Variants in CEP43 observed in about 807,000 individuals in gnomAD.
The protein encoded by CEP43 is centrosomal protein 43, also known as FGFR1 oncogene partner.
CEP43 carries 36 observed loss-of-function variants against 52.6 expected under a neutral mutation model. That is an observed-to-expected ratio of 0.68 (90% CI 0.52 to 0.90). The LOEUF (loss-of-function observed/expected upper bound fraction) is 0.90. CEP43 is among the 40% of genes least tolerant of loss of function. The pLI, the probability that CEP43 is intolerant of heterozygous loss-of-function variation, is 0.00. For synonymous variants in CEP43, 192 were observed against 172.4 expected (o/e 1.11, Z -0.89); for missense variants, 506 against 472.8 (o/e 1.07, Z -0.65).
At chr6:167,008,374 G>C (rs1336968704) in intron 5 of CEP43, among the ~76,000 whole-genome samples, 2 of 152,136 alleles carry the variant, frequency 1.3e-5, no homozygotes, top group South Asian at 4.1e-4. Flanking sequence ...TGTCAAAGTT[G>C]TAGTAGTGAT....
chr6:167,003,465 A>G (rs899231388), intron 3 of CEP43: 5 of 514,996 alleles, frequency 9.7e-6, no homozygotes, highest in African/African-American at 3.9e-5. Context: ...CAAAAAGCCA[A>G]TATTAACCAT....
intron 2 of CEP43, 114 bp from the exon 3 acceptor site, chr6:167,003,079 T>C (rs933875895): frequency 3.7e-6 from 2 of 536,090 alleles, no homozygotes; most frequent in Admixed American, 8.0e-5. Flanking sequence ...TAATTAACAG[T>C]TGTAGAATGG....
chr6:167,042,113 G>T lies in CEP43; in HGVS notation c.*2135G>T. 1 of 1,007,962 alleles carries T rather than the reference G, an allele frequency of 9.9e-7. No homozygotes were observed. Among genetic ancestry groups the T allele is most frequent in the Non-Finnish European group, 1.2e-6 (1 of 842,612 alleles). 62.4% of individuals were successfully genotyped at this position (1,007,962 alleles called of 1,614,324 possible). On this transcript the variant is annotated 3_prime_UTR_variant, in exon 13 of 13. Transcript: ENST00000366847. ...ATTACAGGCGTGAACCACCGCACCT[G>T]GCCAGTACTACATCCATTTTATTGA...
rs1455153712 is a variant in CEP43 at position 167,052,121 on chromosome 6, T to G, written c.*12143T>G. ...TTAATGAATGCTTGATGGCTCACAA[T>G]CTCCTTCTCAGTTTATCAGAATCTA... On this transcript the variant is annotated 3_prime_UTR_variant, in exon 13 of 13. Transcript: ENST00000366847. The G allele has an allele frequency of 1.3e-5, 2 of 152,186 alleles. No homozygotes were observed. The highest frequency in any genetic ancestry group is 2.9e-5 in the Non-Finnish European group (2 of 68,034). The allele number at this position is 152,186 out of a possible 1,614,324, so 9.4% of individuals were successfully genotyped here.
At chr6:167,020,157 G>A (rs764605229) in intron 7 of CEP43, among the ~76,000 whole-genome samples, 18 of 152,196 alleles carry the variant, frequency 1.2e-4, no homozygotes, top group Non-Finnish European at 2.2e-4. Flanking sequence ...TGTCAAGAAA[G>A]TTGTTAGGAA....
chr6:167,022,701 T>A, intron 8 of CEP43, 66 bp downstream of exon 8: 1 of 1,076,524 alleles, frequency 9.3e-7, no homozygotes, highest in Admixed American at 2.2e-5. Context: ...TTTCATTTTA[T>A]AGTTAAAAAA....
chr6:167,043,509 T>C lies in CEP43; in HGVS notation c.*3531T>C, dbSNP rs1405584934. Reference sequence around the variant, plus strand: ...GATTCTCCTGCCTCAGCCTCCCAAGTAGCTGAGATTACAGGTGCCTGCCAC... The same window carrying C: ...GATTCTCCTGCCTCAGCCTCCCAAGCAGCTGAGATTACAGGTGCCTGCCAC... On this transcript the variant is annotated 3_prime_UTR_variant, in exon 13 of 13. Transcript: ENST00000366847. The C allele has an allele frequency of 6.6e-6, 1 of 151,706 alleles. No individual in the cohort carries two copies. The highest frequency in any genetic ancestry group is 1.5e-5 in the Non-Finnish European group (1 of 68,138). The allele number at this position is 151,706 out of a possible 1,614,324, so 9.4% of individuals were successfully genotyped here. A position where few individuals can be genotyped will look rare whatever the true frequency, so the allele number is the denominator to read the frequency against.
In CEP43 at chr6:166,999,467, C is replaced by A; in HGVS notation, c.55C>A (p.Leu19Met). ...VAEEDTELRD[L>M]LVQTLENSGV... ...CGAGGAGGACACGGAGCTGCGGGAC[C>A]TGCTGGTGCAGACGCTGGAGAACAG... Residue 19 changes from leucine to methionine, a missense_variant, in exon 1 of 13, where the codon CTG (leucine) becomes ATG (methionine). Physicochemically the swap from Leu to Met is conservative, Grantham distance 15. Transcript: ENST00000366847. 1 of 1,484,568 alleles carries A rather than the reference C, an allele frequency of 6.7e-7. No individual in the cohort carries two copies. Among genetic ancestry groups the A allele is most frequent in the Non-Finnish European group, 9.0e-7 (1 of 1,115,414 alleles). 92.0% of individuals were successfully genotyped at this position (1,484,568 alleles called of 1,614,324 possible).
At chr6:167,026,680 AAAG>A in intron 10 of CEP43, 65 bp downstream of exon 10, 1 of 1,020,116 alleles carries the variant, frequency 9.8e-7, no homozygotes, top group Non-Finnish European at 1.5e-6. Context: ...TAAGGCTGTA[AAAG>A]AAGTGACTCC....
rs1456909172 is a variant in CEP43 at position 167,048,971 on chromosome 6, T to C, written c.*8993T>C. On this transcript the variant is annotated 3_prime_UTR_variant, in exon 13 of 13. Coordinates refer to ENST00000366847, the MANE Select transcript of CEP43 (RefSeq NM_007045.4). Reference sequence around the variant, plus strand: ...AAAGACTGATGAAACCCTTAAAACCTCTCAAGAATTAAAAATCATTTTTGA... The same window carrying C: ...AAAGACTGATGAAACCCTTAAAACCCCTCAAGAATTAAAAATCATTTTTGA... The C allele has an allele frequency of 6.6e-6, 1 of 152,222 alleles. No individual in the cohort carries two copies. The highest frequency in any genetic ancestry group is 1.5e-5 in the Non-Finnish European group (1 of 68,044). 9.4% of individuals were successfully genotyped at this position (152,222 alleles called of 1,614,324 possible). A position where few individuals can be genotyped will look rare whatever the true frequency, so the allele number is the denominator to read the frequency against.
At chr6:167,031,599 T>C (rs1213275735) in intron 10 of CEP43, among the ~76,000 whole-genome samples, 2 of 152,240 alleles carry the variant, frequency 1.3e-5, no homozygotes, top group African/African-American at 4.8e-5. Flanking sequence ...CAGCCTTATC[T>C]GAGGGAAGAT....
In CEP43 at chr6:167,049,697, T is replaced by C. The variant is rs1441656275; in HGVS notation, c.*9719T>C. ...TTCATATGCAGTGTTTGTGTAGATA[T>C]ATAATATGCTTTATTTTCTCTTGAG... On this transcript the variant is annotated 3_prime_UTR_variant, in exon 13 of 13. Coordinates refer to ENST00000366847, the MANE Select transcript of CEP43 (RefSeq NM_007045.4). 2 of 152,236 alleles carry C rather than the reference T, an allele frequency of 1.3e-5. No individual in the cohort carries two copies. Among genetic ancestry groups the C allele is most frequent in the Non-Finnish European group, 2.9e-5 (2 of 68,042 alleles). The allele number at this position is 152,236 out of a possible 1,614,324, so 9.4% of individuals were successfully genotyped here.
At chr6:167,036,801 T>C in intron 12 of CEP43, 1 of 964,372 alleles carries the variant, frequency 1.0e-6, no homozygotes, top group African/African-American at 1.8e-5. Flanking sequence ...TTATTAGTTT[T>C]GTTTTTGTTT....
At position 167,046,785 on chromosome 6, in the gene CEP43, TCAG is replaced by T. The variant is rs1780805486; in HGVS notation, c.*6808_*6810del. ...GGCTCCATCCAACGACCATTCTGCCTCAGGGTAAGAGGCCCGGCCCTCTCAGCC... is the reference window on the plus strand; with the variant it reads ...GGCTCCATCCAACGACCATTCTGCCTGGTAAGAGGCCCGGCCCTCTCAGCC... On this transcript the variant is annotated 3_prime_UTR_variant, in exon 13 of 13. Coordinates refer to ENST00000366847, the MANE Select transcript of CEP43 (RefSeq NM_007045.4). The T allele has an allele frequency of 6.6e-6, 1 of 152,318 alleles. No individual in the cohort carries two copies. Among genetic ancestry groups the T allele is most frequent in the Non-Finnish European group, 1.5e-5 (1 of 68,114 alleles). 9.4% of individuals were successfully genotyped at this position (152,318 alleles called of 1,614,324 possible).
At position 167,024,823 on chromosome 6, in the gene CEP43, TCTCGGATGCACCCCC is replaced by T; in HGVS notation, c.851_865del (p.Ser284_Pro288del). The T allele has an allele frequency of 1.2e-6, 2 of 1,613,436 alleles. No individual in the cohort carries two copies. The highest frequency in any genetic ancestry group is 1.7e-6 in the Non-Finnish European group (2 of 1,179,634). On this transcript the variant is annotated inframe_deletion, in exon 9 of 13. Coordinates refer to ENST00000366847, the MANE Select transcript of CEP43 (RefSeq NM_007045.4). ...AAGCAAGCAGGAAGTCTGGCCTCGCTCTCGGATGCACCCCCCTTAAAAAGTGGACTCAGCTCCCTG... is the reference window on the plus strand; with the variant it reads ...AAGCAAGCAGGAAGTCTGGCCTCGCTCTTAAAAAGTGGACTCAGCTCCCTG...
chr6:167,034,449 T>C (rs1780541423), intron 12 of CEP43, among the ~76,000 whole-genome samples: 1 of 152,204 alleles, frequency 6.6e-6, no homozygotes, highest in Non-Finnish European at 1.5e-5. Context: ...GAGTCCGTAT[T>C]TGAGATCCAA....
At chr6:167,013,439 G>A (rs1486203555) in intron 6 of CEP43, 69 bp from the exon 7 acceptor site, 9 of 1,287,902 alleles carry the variant, frequency 7.0e-6, no homozygotes, top group Non-Finnish European at 1.0e-5. Flanking sequence ...TCTTTGTTTG[G>A]TAATGAGTTA....
rs751339665 is a variant in CEP43 at position 167,040,328 on chromosome 6, G to A, written c.*350G>A. 149 of 1,423,114 alleles carry A rather than the reference G, an allele frequency of 1.0e-4. No homozygotes were observed. Among genetic ancestry groups the A allele is most frequent in the Non-Finnish European group, 1.3e-4 (142 of 1,095,512 alleles). 88.2% of individuals were successfully genotyped at this position (1,423,114 alleles called of 1,614,324 possible). On this transcript the variant is annotated 3_prime_UTR_variant, in exon 13 of 13. Coordinates refer to ENST00000366847, the MANE Select transcript of CEP43 (RefSeq NM_007045.4). The stretch of plus-strand genomic sequence containing the variant: ...CGTAGGATCGCGCAACCCTTTGTGT[G>A]TGTGGCTGCTGGTACGTGTGATCTT...
At chr6:167,004,089 G>GCTAC in intron 4 of CEP43, 175 bp from the exon 5 acceptor site, 2 of 671,260 alleles carry the variant, frequency 3.0e-6, no homozygotes, top group Non-Finnish European at 4.8e-6. Flanking sequence ...AAACGTTGAA[G>GCTAC]GTAGAGGCTC....
Sources: gnomAD v4.1 joint callset for allele counts (sites outside exome capture counted in the v4.1 genomes callset) on GRCh38, gnomAD v4.1.1 for gene constraint, MANE v1.5 for transcripts, NCBI Gene and HGNC (gene_info 2026-07-23, HGNC 2026-07-21) for gene names.